ADGRG1: variants seen among roughly 807,000 people sequenced by gnomAD.
ADGRG1 encodes adhesion G protein-coupled receptor G1.
ADGRG1 carries 53 observed loss-of-function variants against 73.5 expected under a neutral mutation model. The ratio of observed to expected loss-of-function variants is 0.72; its 90% CI spans 0.58 to 0.91. The LOEUF is 0.91. Ranked by LOEUF, ADGRG1 falls within the 40% of genes least tolerant of loss-of-function variation. ADGRG1 has a pLI of 0.00. For synonymous variants in ADGRG1, 394 were observed against 374.4 expected (o/e 1.05, Z -0.60); for missense variants, 795 against 871.8 (o/e 0.91, Z 1.11).
rs1320021130 is a variant in ADGRG1 at position 57,651,370 on chromosome 16, CG to C, written c.236del (p.Arg79HisfsTer34). The C allele has an allele frequency of 6.2e-7, 1 of 1,614,102 alleles. No homozygotes were observed. The highest frequency in any genetic ancestry group is 8.5e-7 in the Non-Finnish European group (1 of 1,180,048). ...APFPAAHPASRSFPDPRGLYH... is the reference protein window; with the variant it reads ...APFPAAHPASXSFPDPRGLYH... ...TTTCCCTGCAGCCCACCCTGCTTCC[CG>C]ATCCTTCCCTGACCCCAGGGGCCTC... is the stretch of plus-strand genomic sequence containing the variant. On this transcript the variant is annotated frameshift_variant, in exon 3 of 14. Transcript: ENST00000562631. LOFTEE classifies it high-confidence loss of function.
chr16:57,632,826 TG>T, intron 1 of ADGRG1: 1 of 985,394 alleles, frequency 1.0e-6, no homozygotes, highest in Non-Finnish European at 1.2e-6. Flanking sequence ...TAGTGGGAGA[TG>T]GCCTGGCGGT....
intron 1 of ADGRG1, chr16:57,647,361 C>CT: frequency 1.0e-6 from 1 of 981,364 alleles, no homozygotes; most frequent in Non-Finnish European, 1.2e-6. Flanking sequence ...GGGGGCCGTA[C>CT]GGGAAGAGGG....
At chr16:57,659,130 A>G (rs1381978180) in intron 10 of ADGRG1, 1 of 985,100 alleles carries the variant, frequency 1.0e-6, no homozygotes, top group Non-Finnish European at 1.2e-6. Context: ...CTTTGAGAGT[A>G]TCTGGTTTAT....
chr16:57,648,201 G>C (rs973515199), intron 1 of ADGRG1, among the ~76,000 whole-genome samples: 11 of 152,164 alleles, frequency 7.2e-5, no homozygotes, highest in African/African-American at 2.7e-4. Context: ...CAATCAGAGG[G>C]GGACAGCAAC....
At chr16:57,636,006 A>G (rs781447782) in intron 1 of ADGRG1, 1 of 985,164 alleles carries the variant, frequency 1.0e-6, no homozygotes, top group African/African-American at 1.7e-5. Flanking sequence ...TCCTCGGGAC[A>G]CACCCCACCC....
chr16:57,650,138 A>G, intron 1 of ADGRG1, 115 bp from the exon 2 acceptor site: 10 of 1,530,130 alleles, frequency 6.5e-6, no homozygotes, highest in Non-Finnish European at 8.8e-6. Context: ...CTTTTTCCAC[A>G]CTTGCTTCCC....
chr16:57,647,689 A>AGCCC (rs1213479515), intron 1 of ADGRG1: 1 of 648,914 alleles, frequency 1.5e-6, no homozygotes, highest in Non-Finnish European at 1.9e-6. Context: ...GAAGCCAGCC[A>AGCCC]GCCCCTCCCC....
At chr16:57,639,309 CAA>C (rs553547448) in intron 1 of ADGRG1, 1 of 985,554 alleles carries the variant, frequency 1.0e-6, no homozygotes, top group Non-Finnish European at 1.2e-6. Context: ...GGGAACAGGA[CAA>C]GTTACGGAGC....
chr16:57,637,675 C>T, intron 1 of ADGRG1: 1 of 985,442 alleles, frequency 1.0e-6, no homozygotes, highest in Non-Finnish European at 1.2e-6. Flanking sequence ...CAGCTCTGGG[C>T]CTGCAGTGAG....
intron 1 of ADGRG1, chr16:57,647,487 CGTTTA>C: frequency 1.1e-6 from 1 of 947,536 alleles, no homozygotes; most frequent in African/African-American, 1.8e-5. Flanking sequence ...GCCTCTAAGC[CGTTTA>C]CAGGTATCAA....
intron 5 of ADGRG1, 23 bp from the exon 6 acceptor site, chr16:57,655,376 G>C (rs1478070721): frequency 6.2e-7 from 1 of 1,611,652 alleles, no homozygotes; most frequent in East Asian, 2.2e-5. Flanking sequence ...GCATTTGGCT[G>C]AGCCCTAAAG....
intron 1 of ADGRG1, chr16:57,644,971 G>A (rs1346447351): frequency 4.6e-6 from 3 of 645,176 alleles, no homozygotes; most frequent in Non-Finnish European, 5.7e-6. Flanking sequence ...CTCATGCATG[G>A]GCACACACCC....
rs1472209257 is a variant in ADGRG1, at chr16:57,664,610, G to A, written c.*1028G>A. On this transcript the variant is annotated 3_prime_UTR_variant, in exon 14 of 14. Transcript: ENST00000562631. ...CTAGGGCCTGACACTCTCCTAAGAG[G>A]TTCTCTCCAAGCCCCCAAATAGCTC... The A allele has an allele frequency of 6.6e-6, 1 of 152,348 alleles. No homozygotes were observed. Among genetic ancestry groups the A allele is most frequent in the Non-Finnish European group, 1.5e-5 (1 of 68,116 alleles). The allele number at this position is 152,348 out of a possible 1,614,324, so 9.4% of individuals were successfully genotyped here.
Position 57,653,248 on chromosome 16 carries a change from A to C in ADGRG1, c.533A>C (p.Glu178Ala). 1 of 1,612,348 alleles carries C rather than the reference A, an allele frequency of 6.2e-7. No individual in the cohort carries two copies. The highest frequency in any genetic ancestry group is 8.5e-7 in the Non-Finnish European group (1 of 1,179,906). The stretch of plus-strand genomic sequence containing the variant: ...CACAATGCCTCGGTGGACATGTGCG[A>C]GCTCAAAAGGGACCTCCAGCTGCTC... The part of the protein sequence containing the change: ...AAHNASVDMC[E>A]LKRDLQLLSQ... Residue 178 changes from glutamate to alanine, a missense_variant, in exon 4 of 14, where the codon GAG becomes GCG. Physicochemically the swap from Glu to Ala is moderately radical, Grantham distance 107. Coordinates refer to ENST00000562631, the MANE Select transcript of ADGRG1 (RefSeq NM_201525.4).
intron 1 of ADGRG1, chr16:57,631,671 G>A (rs1231121094): frequency 2.0e-6 from 2 of 985,580 alleles, no homozygotes; most frequent in Non-Finnish European, 1.2e-6. Context: ...CACAGCAACT[G>A]GGCAGATGGC....
At chr16:57,658,475 C>A (rs2046292084) in intron 10 of ADGRG1, among the ~76,000 whole-genome samples, 1 of 152,214 alleles carries the variant, frequency 6.6e-6, no homozygotes, top group Non-Finnish European at 1.5e-5. Flanking sequence ...CTGTCCCCAG[C>A]CACGAGGAAG....
chr16:57,659,763 C>T (rs2046631928), intron 11 of ADGRG1, 82 bp downstream of exon 11: 1 of 1,444,202 alleles, frequency 6.9e-7, no homozygotes, highest in Non-Finnish European at 9.6e-7. Context: ...TTCTGCCTCT[C>T]CACCTATCTC....
chr16:57,637,662 A>G (rs762372524), intron 1 of ADGRG1: 2 of 985,192 alleles, frequency 2.0e-6, no homozygotes, highest in Non-Finnish European at 2.4e-6. Context: ...CCTGAATGGG[A>G]CCCAGCTCTG....
Position 57,663,720 on chromosome 16 carries a change from C to G in ADGRG1, c.*138C>G, listed in dbSNP as rs551761185. ...GCCCAACGACCATGGAGAGATGGGCCGTTGCCATGGTGGACGGACTCCCGG... is the reference window on the plus strand; with the variant it reads ...GCCCAACGACCATGGAGAGATGGGCGGTTGCCATGGTGGACGGACTCCCGG... On this transcript the variant is annotated 3_prime_UTR_variant, in exon 14 of 14. Coordinates refer to ENST00000562631, the MANE Select transcript of ADGRG1 (RefSeq NM_201525.4). The G allele has an allele frequency of 1.1e-5, 11 of 965,728 alleles. 1 individual carries two copies. The highest frequency in any genetic ancestry group is 2.8e-5 in the South Asian group (2 of 71,340). 59.8% of individuals were successfully genotyped at this position (965,728 alleles called of 1,614,324 possible).
Sources: gnomAD v4.1 joint callset for allele counts (sites outside exome capture counted in the v4.1 genomes callset) on GRCh38, gnomAD v4.1.1 for gene constraint, MANE v1.5 for transcripts, NCBI Gene and HGNC (gene_info 2026-07-23, HGNC 2026-07-21) for gene names.